LAMA3: variants seen among roughly 807,000 people sequenced by gnomAD.
LAMA3 encodes laminin subunit alpha-3.
A neutral mutation model predicts 402.0 loss-of-function variants in LAMA3; 281 were observed. The ratio of observed to expected loss-of-function variants is 0.70; its 90% CI spans 0.63 to 0.77. The LOEUF (loss-of-function observed/expected upper bound fraction) is 0.77. LAMA3 is among the 30% of genes least tolerant of loss of function. LAMA3 has a pLI of 0.00. For synonymous variants in LAMA3, 1,431 were observed against 1,558.4 expected, an observed-to-expected ratio of 0.92 and a Z score of 1.93; for missense variants, 3,840 against 4,215.5, an observed-to-expected ratio of 0.91 and a Z score of 2.47.
intron 8 of LAMA3, among the ~76,000 whole-genome samples, chr18:23,766,603 C>T (rs541897559): frequency 5.9e-5 from 9 of 152,188 alleles, no homozygotes; most frequent in South Asian, 4.1e-4. Flanking sequence ...TTTGGGAGGC[C>T]GAGGTGGGCA....
At chr18:23,740,508 TCAGG>T (rs1362632055) in intron 2 of LAMA3, among the ~76,000 whole-genome samples, 2 of 152,152 alleles carry the variant, frequency 1.3e-5, no homozygotes, top group Non-Finnish European at 2.9e-5. Context: ...ATTTTATTTC[TCAGG>T]CTCCTGTGGT....
intron 66 of LAMA3, among the ~76,000 whole-genome samples, chr18:23,933,338 A>C (rs4800522): frequency 0.05 from 7,580 of 152,304 alleles, 408 homozygotes; most frequent in Admixed American, 0.17. Context: ...ATATTAAAGT[A>C]GGAGATGAAA....
intron 12 of LAMA3, among the ~76,000 whole-genome samples, chr18:23,806,302 T>A (rs1027994200): frequency 2.6e-5 from 4 of 152,226 alleles, no homozygotes; most frequent in African/African-American, 9.6e-5. Context: ...CAAATTGCTG[T>A]CTGTCTGTTT....
chr18:23,763,297 C>T (rs538756171), intron 7 of LAMA3, 108 bp from the exon 8 acceptor site: 3 of 796,886 alleles, frequency 3.8e-6, no homozygotes, highest in African/African-American at 1.7e-5. Context: ...CCTGGGTGTT[C>T]CAGAATATAC....
At position 23,918,606 on chromosome 18, in the gene LAMA3, A is replaced by G. The variant is rs900377419; in HGVS notation, c.7923+1911A>G. Among the ~76,000 whole-genome samples the G allele has an allele frequency of 3.3e-5, 5 of 152,342 alleles. No homozygotes were observed. The highest frequency in any genetic ancestry group is 1.9e-4 in the East Asian group (1 of 5,190). ...TTAGAAAAGTCCAAAGTGACACTCTACAAGTGATCGTCAGCGCCATCTGCT... is the reference window on the plus strand; with the variant it reads ...TTAGAAAAGTCCAAAGTGACACTCTGCAAGTGATCGTCAGCGCCATCTGCT... On this transcript the variant is annotated intron_variant, in intron 60 of 74. Coordinates refer to ENST00000313654, the MANE Select transcript of LAMA3 (RefSeq NM_198129.4). This position sits in a 1 kb window ranked among gnomAD's most constrained non-coding sequence, Gnocchi z 4.1.
At position 23,814,390 on chromosome 18, in the gene LAMA3, T is replaced by C. The variant is rs2063136315; in HGVS notation, c.1789-13T>C. 1 of 1,571,840 alleles carries C rather than the reference T, an allele frequency of 6.4e-7. No individual in the cohort carries two copies. The highest frequency in any genetic ancestry group is 8.8e-7 in the Non-Finnish European group (1 of 1,141,664). ...TCCAAGATGTCAAATGTTTGTTTGA[T>C]TTTCATTCAAAGGGGTATTGCCAAT... On this transcript the variant is annotated splice_polypyrimidine_tract_variant and intron_variant, in intron 14 of 74. Coordinates refer to ENST00000313654, the MANE Select transcript of LAMA3 (RefSeq NM_198129.4).
intron 35 of LAMA3, among the ~76,000 whole-genome samples, chr18:23,862,801 G>A (rs2064255457): frequency 6.9e-6 from 1 of 144,330 alleles, no homozygotes; most frequent in African/African-American, 2.9e-5. Context: ...TGTCAACCAG[G>A]GCTGTAGTCC....
At chr18:23,936,182 A>C (rs1183491820) in intron 67 of LAMA3, among the ~76,000 whole-genome samples, 1 of 34,092 alleles carries the variant, frequency 2.9e-5, no homozygotes, top group East Asian at 1.6e-3. Context: ...ATTCAAACTT[A>C]AGACTCTTTT....
chr18:23,809,008 G>A (rs181497008), intron 12 of LAMA3, among the ~76,000 whole-genome samples: 45 of 152,262 alleles, frequency 3.0e-4, no homozygotes, highest in Non-Finnish European at 4.4e-5. Context: ...ATAAAAATTT[G>A]GAAGTCAGAT....
chr18:23,810,682 A>G lies in LAMA3; in HGVS notation c.1741+179A>G, dbSNP rs575060463. On this transcript the variant is annotated intron_variant, in intron 13 of 74. Coordinates refer to ENST00000313654, the MANE Select transcript of LAMA3 (RefSeq NM_198129.4). The stretch of plus-strand genomic sequence containing the variant: ...TCAAGTCTGGTTTGAAAACACGTAT[A>G]TCATATATGTACCCTCAAAGGAATC... Among the ~76,000 whole-genome samples, 10 of 152,280 alleles carry G rather than the reference A, an allele frequency of 6.6e-5. No homozygotes were observed. The East Asian group carries it at 1.7e-3, about 26-fold the overall frequency.
At chr18:23,919,808 C>T (rs375479602) in intron 60 of LAMA3, among the ~76,000 whole-genome samples, 5 of 148,856 alleles carry the variant, frequency 3.4e-5, no homozygotes, top group East Asian at 2.0e-4. Context: ...TCCTGACAGC[C>T]GAGGAGAGTC....
At chr18:23,748,254 C>A (rs904472470) in intron 3 of LAMA3, among the ~76,000 whole-genome samples, 194 bp downstream of exon 3, 48 of 151,808 alleles carry the variant, frequency 3.2e-4, no homozygotes, top group African/African-American at 1.1e-3. Flanking sequence ...CATGGTGAAA[C>A]CCTGTCTCTA....
At chr18:23,743,297 C>T (rs949224482) in intron 2 of LAMA3, among the ~76,000 whole-genome samples, 26 of 152,270 alleles carry the variant, frequency 1.7e-4, no homozygotes, top group Middle Eastern at 3.4e-3. Context: ...AGAGATATCC[C>T]CCCCAGGGGA....
At chr18:23,919,438 G>A (rs1052151732) in intron 60 of LAMA3, among the ~76,000 whole-genome samples, 3 of 152,196 alleles carry the variant, frequency 2.0e-5, no homozygotes, top group Admixed American at 2.0e-4. Context: ...CCCGCCCTCC[G>A]GGATTTTATA....
chr18:23,939,164 G>A (rs2082404650), intron 67 of LAMA3, 59 bp from the exon 68 acceptor site: 7 of 1,539,116 alleles, frequency 4.5e-6, no homozygotes, highest in Non-Finnish European at 5.4e-6. Flanking sequence ...AATGTACTTA[G>A]CAAGATAAGC....
chr18:23,877,110 C>T (rs750653076), intron 39 of LAMA3, among the ~76,000 whole-genome samples: 20 of 152,130 alleles, frequency 1.3e-4, no homozygotes, highest in African/African-American at 3.4e-4. Flanking sequence ...CAAGACAGAG[C>T]GGGGCTTGGA....
chr18:23,898,074 C>A (rs954875854), intron 44 of LAMA3, among the ~76,000 whole-genome samples: 1 of 134,996 alleles, frequency 7.4e-6, no homozygotes, highest in Non-Finnish European at 1.5e-5. Context: ...TATATTAATA[C>A]TTTTTCCAAA....
chr18:23,812,815 C>T (rs902380617), intron 13 of LAMA3, among the ~76,000 whole-genome samples: 3 of 152,186 alleles, frequency 2.0e-5, no homozygotes, highest in African/African-American at 7.2e-5. Context: ...TAGAAGTGAA[C>T]TGTCATGAGT....
chr18:23,803,829 T>A (rs1277470341), intron 12 of LAMA3, among the ~76,000 whole-genome samples: 1 of 152,224 alleles, frequency 6.6e-6, no homozygotes, highest in East Asian at 1.9e-4. Context: ...AAAACAGGCC[T>A]AAGTTTTCTC....
Sources: allele counts gnomAD v4.1 joint callset (sites outside exome capture counted in the v4.1 genomes callset), GRCh38; gene constraint gnomAD v4.1.1; non-coding constraint Gnocchi (gnomAD v3.1); transcripts MANE v1.5; gene names NCBI Gene and HGNC (gene_info 2026-07-23, HGNC 2026-07-21).